Variants in PIK3R4 observed in about 807,000 individuals in gnomAD.
PIK3R4 encodes phosphoinositide 3-kinase regulatory subunit 4.
In PIK3R4, 46 loss-of-function variants were observed where a neutral mutation model predicts 136.5. The observed-to-expected ratio is 0.34, with a 90% CI of 0.27 to 0.43. The LOEUF (loss-of-function observed/expected upper bound fraction) is 0.43. PIK3R4 is among the 20% of genes least tolerant of loss of function. PIK3R4 has a pLI of 1.00. For missense variants in PIK3R4, 1,331 were observed against 1,649.5 expected (o/e 0.81, Z 3.35); for synonymous variants, 557 against 566.7 (o/e 0.98, Z 0.24).
chr3:130,681,498 T>G lies in PIK3R4; in HGVS notation c.3701A>C (p.Glu1234Ala). Reference protein sequence around the residue: ...LWASSAPPLSELQPSPHSVHG... With the variant: ...LWASSAPPLSALQPSPHSVHG... ...TAAAAACTGAAGTCAAACCTGTAAT[T>G]CAGAAAGTGGTGGTGCACTGCTGGC... The change falls in exon 17 of 20, where the codon GAA (glutamate) becomes GCA (alanine). Residue 1234 changes from glutamate to alanine, a missense_variant. By Grantham distance (107) the Glu-to-Ala change is moderately radical. Coordinates refer to ENST00000356763, the MANE Select transcript of PIK3R4 (RefSeq NM_014602.3). 1 of 1,595,758 alleles carries G rather than the reference T, an allele frequency of 6.3e-7. No homozygotes were observed. Among genetic ancestry groups the G allele is most frequent in the Non-Finnish European group, 8.6e-7 (1 of 1,163,424 alleles).
In PIK3R4 at chr3:130,680,728, A is replaced by C; in HGVS notation, c.3798-7T>G. 6.5e-7 allele frequency: 1 copy of C among 1,534,366 alleles called. No individual in the cohort carries two copies. The highest frequency in any genetic ancestry group is 9.0e-7 in the Non-Finnish European group (1 of 1,110,450). On this transcript the variant is annotated splice_region_variant and splice_polypyrimidine_tract_variant and intron_variant, in intron 18 of 19. Transcript: ENST00000356763. The stretch of plus-strand genomic sequence containing the variant: ...GTAAGCCAAGTCCCAAAACCTAGGA[A>C]AGAGGAAATAAATGATGACAATCTC...
chr3:130,684,669 G>A (rs2066479467), intron 15 of PIK3R4, among the ~76,000 whole-genome samples: 1 of 152,168 alleles, frequency 6.6e-6, no homozygotes, highest in African/African-American at 2.4e-5. Flanking sequence ...ATTGCCGAAG[G>A]CACCCACAAA....
At chr3:130,696,235 CTTTTGCTGATTT>C (rs1173055803) in intron 13 of PIK3R4, among the ~76,000 whole-genome samples, 6 of 151,182 alleles carry the variant, frequency 4.0e-5, no homozygotes, top group Non-Finnish European at 8.8e-5. Flanking sequence ...CCAATTTCTA[CTTTTGCTGATTT>C]TTTTTTTTCT....
At chr3:130,742,213 C>T (rs983364522) in intron 2 of PIK3R4, among the ~76,000 whole-genome samples, 3 of 152,178 alleles carry the variant, frequency 2.0e-5, no homozygotes, top group Non-Finnish European at 2.9e-5. Flanking sequence ...TGCCACCCAC[C>T]TCTTTTTCAA....
chr3:130,694,599 G>A (rs375892321), intron 13 of PIK3R4, among the ~76,000 whole-genome samples: 3 of 152,054 alleles, frequency 2.0e-5, no homozygotes, highest in African/African-American at 7.2e-5. Flanking sequence ...ATAAAGAAAT[G>A]CAAGTGATTT....
At chr3:130,688,754 A>C (rs939621751) in intron 14 of PIK3R4, among the ~76,000 whole-genome samples, 1 of 152,206 alleles carries the variant, frequency 6.6e-6, no homozygotes, top group Non-Finnish European at 1.5e-5. Context: ...GCATTCATAC[A>C]GGCAGTTTTA....
chr3:130,688,002 ATATAT>A (rs2066498356), intron 14 of PIK3R4, among the ~76,000 whole-genome samples: 1 of 152,154 alleles, frequency 6.6e-6, no homozygotes, highest in African/African-American at 2.4e-5. Context: ...GAGCTAAAAG[ATATAT>A]TATGTATACT....
At chr3:130,728,755 A>T in intron 5 of PIK3R4, 71 bp from the exon 6 acceptor site, 1 of 1,039,306 alleles carries the variant, frequency 9.6e-7, no homozygotes, top group Non-Finnish European at 1.4e-6. Flanking sequence ...ATTTTTCCCC[A>T]TACAGATAGT....
rs1163923519 is a variant in PIK3R4 at position 130,723,093 on chromosome 3, A to G, written c.1981+321T>C. 3.1e-5 allele frequency among the ~76,000 whole-genome samples: 4 copies of G among 130,288 alleles called. No homozygotes were observed. The Admixed American group carries it at 3.3e-4, about 11-fold the overall frequency. 85.5% of individuals were successfully genotyped at this position (130,288 alleles called of 152,430 possible). Reference sequence around the variant, plus strand: ...AAAAAAAAAAAAAAAAAAAAAAAAAAAAAATTAAAAATAAAAAAAAGAAAG... The same window carrying G: ...AAAAAAAAAAAAAAAAAAAAAAAAAGAAAATTAAAAATAAAAAAAAGAAAG... On this transcript the variant is annotated intron_variant, in intron 7 of 19. Coordinates refer to ENST00000356763, the MANE Select transcript of PIK3R4 (RefSeq NM_014602.3).
chr3:130,697,032 T>G (rs1489808376), intron 13 of PIK3R4, among the ~76,000 whole-genome samples: 3 of 151,400 alleles, frequency 2.0e-5, no homozygotes, highest in Non-Finnish European at 4.4e-5. Context: ...TGCCTTAAAG[T>G]TTATGTTCTA....
intron 9 of PIK3R4, among the ~76,000 whole-genome samples, chr3:130,708,846 T>A (rs1450771174): frequency 3.3e-5 from 5 of 152,180 alleles, no homozygotes; most frequent in African/African-American, 1.2e-4. Context: ...AAATATTTAT[T>A]ATGTGAACAA....
At chr3:130,706,420 G>A (rs1052391962) in intron 11 of PIK3R4, among the ~76,000 whole-genome samples, 2 of 152,104 alleles carry the variant, frequency 1.3e-5, no homozygotes, top group African/African-American at 2.4e-5. Flanking sequence ...ATGAAAAATG[G>A]GATGGCTATA....
intron 13 of PIK3R4, among the ~76,000 whole-genome samples, chr3:130,699,147 A>G (rs1046333973): frequency 2.6e-5 from 4 of 152,212 alleles, no homozygotes; most frequent in African/African-American, 9.7e-5. Context: ...AACTTTTCAA[A>G]GGCCCATATG....
chr3:130,710,143 T>A (rs985059238), intron 9 of PIK3R4, among the ~76,000 whole-genome samples: 2 of 152,012 alleles, frequency 1.3e-5, no homozygotes, highest in Non-Finnish European at 2.9e-5. Flanking sequence ...TGAAAAAATA[T>A]CCACTAAAGT....
intron 17 of PIK3R4, among the ~76,000 whole-genome samples, 199 bp from the exon 18 acceptor site, chr3:130,681,264 A>G (rs1319182034): frequency 6.6e-6 from 1 of 152,184 alleles, no homozygotes; most frequent in Non-Finnish European, 1.5e-5. Flanking sequence ...TGGGGTTCCA[A>G]AGAGACATCA....
Position 130,723,062 on chromosome 3 carries a change from C to CAAA in PIK3R4, c.1981+349_1981+351dup, listed in dbSNP as rs61129038. On this transcript the variant is annotated intron_variant, in intron 7 of 19. Transcript: ENST00000356763. ...TGGGTGACAGAGTGAGAGACTGTCG[C>CAAA]AAAAAAAAAAAAAAAAAAAAAAAAA... 4.8e-3 allele frequency among the ~76,000 whole-genome samples: 93 copies of CAAA among 19,500 alleles called. 3 individuals carry two copies. The highest frequency in any genetic ancestry group is 0.011 in the African/African-American group (63 of 5,766). The allele number at this position is 19,500 out of a possible 152,430, so 12.8% of individuals were successfully genotyped here.
chr3:130,740,643 A>C (rs2066817121), intron 2 of PIK3R4, among the ~76,000 whole-genome samples: 1 of 152,074 alleles, frequency 6.6e-6, no homozygotes, highest in Non-Finnish European at 1.5e-5. Context: ...AGGAGGCAGC[A>C]GCATGATACC....
chr3:130,743,818 C>T (rs1484379752), intron 2 of PIK3R4, among the ~76,000 whole-genome samples: 3 of 152,212 alleles, frequency 2.0e-5, no homozygotes, highest in Non-Finnish European at 4.4e-5. Flanking sequence ...ATTCACTCTC[C>T]ATGCTCCAGT....
At chr3:130,701,484 C>T (rs577702480) in intron 13 of PIK3R4, among the ~76,000 whole-genome samples, 79 of 151,286 alleles carry the variant, frequency 5.2e-4, no homozygotes, top group Non-Finnish European at 9.4e-4. Context: ...TGTACTCCAT[C>T]CTGGGCAACA....
Sources: gnomAD v4.1 joint callset for allele counts (sites outside exome capture counted in the v4.1 genomes callset) on GRCh38, gnomAD v4.1.1 for gene constraint, MANE v1.5 for transcripts, NCBI Gene and HGNC (gene_info 2026-07-23, HGNC 2026-07-21) for gene names.